NBEAL1: variants seen among roughly 807,000 people sequenced by gnomAD.
NBEAL1 encodes the protein neurobeachin like 1, also known as neurobeachin-like protein 1.
In NBEAL1, 273 loss-of-function variants were observed where a neutral mutation model predicts 351.3. The observed-to-expected ratio is 0.78, with a 90% confidence interval of 0.70 to 0.86. NBEAL1 has a LOEUF of 0.86. NBEAL1 is among the 40% of genes least tolerant of loss of function. NBEAL1 has a pLI of 0.00. For missense variants in NBEAL1, 2,961 were observed against 3,201.3 expected (o/e 0.92, Z 1.81); for synonymous variants, 1,050 against 1,086.4 (o/e 0.97, Z 0.66).
chr2:203,034,401 C>T (rs569143408), intron 2 of NBEAL1, among the ~76,000 whole-genome samples: 1 of 148,144 alleles, frequency 6.8e-6, no homozygotes, highest in East Asian at 1.9e-4. Flanking sequence ...TTGCGATCCG[C>T]CCACCTTGGC....
At chr2:203,037,042 A>T (rs2061050733) in intron 2 of NBEAL1, among the ~76,000 whole-genome samples, 1 of 149,198 alleles carries the variant, frequency 6.7e-6, no homozygotes, top group South Asian at 2.1e-4. Flanking sequence ...AACTTGAGAA[A>T]ATTCTCACAA....
chr2:203,050,822 A>G (rs1175611091), intron 4 of NBEAL1, among the ~76,000 whole-genome samples: 3 of 152,224 alleles, frequency 2.0e-5, no homozygotes, highest in Non-Finnish European at 2.9e-5. Context: ...TAAGAATTCA[A>G]GAACCATTAG....
At chr2:203,172,241 G>A (rs938437179) in intron 40 of NBEAL1, among the ~76,000 whole-genome samples, 1 of 152,050 alleles carries the variant, frequency 6.6e-6, no homozygotes, top group Non-Finnish European at 1.5e-5. Context: ...ATCCAGTGGG[G>A]CAGGTGCGGT....
At chr2:203,107,330 G>A in intron 12 of NBEAL1, 90 bp from the exon 13 acceptor site, 1 of 612,138 alleles carries the variant, frequency 1.6e-6, no homozygotes, top group Non-Finnish European at 2.8e-6. Flanking sequence ...AAGTTAATTA[G>A]CATAAATGAG....
At chr2:203,165,159 C>G (rs761703287) in intron 36 of NBEAL1, among the ~76,000 whole-genome samples, 97 of 152,288 alleles carry the variant, frequency 6.4e-4, no homozygotes, top group Middle Eastern at 3.4e-3. Flanking sequence ...CCGCGCCCAC[C>G]CAGGAGCTCC....
At chr2:203,170,296 G>A (rs976208857) in intron 39 of NBEAL1, among the ~76,000 whole-genome samples, 7 of 151,986 alleles carry the variant, frequency 4.6e-5, no homozygotes, top group Non-Finnish European at 8.8e-5. Flanking sequence ...CGCTTGAACC[G>A]GGGAGGCGGA....
chr2:203,052,457 T>C (rs2061339256), intron 4 of NBEAL1: 1 of 152,428 alleles, frequency 6.6e-6, no homozygotes, highest in Admixed American at 6.5e-5. Context: ...AGTTTTGCTT[T>C]CACCAGGGTG....
chr2:203,205,878 GA>G (rs1416927207), intron 51 of NBEAL1, among the ~76,000 whole-genome samples: 1 of 152,226 alleles, frequency 6.6e-6, no homozygotes, highest in Non-Finnish European at 1.5e-5. Context: ...TACTCACAGG[GA>G]AAGACAAATT....
chr2:203,081,181 A>C (rs988058457), intron 8 of NBEAL1, among the ~76,000 whole-genome samples: 1 of 152,242 alleles, frequency 6.6e-6, no homozygotes, highest in Non-Finnish European at 1.5e-5. Context: ...TAAAAGCTAA[A>C]GAATGGTCAT....
chr2:203,209,180 A>T lies in NBEAL1; in HGVS notation c.7643A>T (p.His2548Leu). Reference sequence around the variant, plus strand: ...GTGTAGGATGGAACGGTGATTATACATACCATTCAGAAAGGTCAGTACATG... The same window carrying T: ...GTGTAGGATGGAACGGTGATTATACTTACCATTCAGAAAGGTCAGTACATG... ...SGSRDGTVII[H>L]TIQKGQYMRT... The change falls in exon 53 of 56, where the codon CAT (histidine) becomes CTT (leucine). Residue 2548 changes from histidine to leucine, a missense_variant. By Grantham distance (99) the His-to-Leu change is moderately conservative. Coordinates refer to ENST00000683969, the MANE Select transcript of NBEAL1 (RefSeq NM_001378026.1). 1 of 1,612,544 alleles carries T rather than the reference A, an allele frequency of 6.2e-7. No homozygotes were observed. The highest frequency in any genetic ancestry group is 8.5e-7 in the Non-Finnish European group (1 of 1,178,590).
intron 25 of NBEAL1, 42 bp from the exon 26 acceptor site, chr2:203,131,931 C>A: frequency 2.2e-6 from 3 of 1,360,944 alleles, no homozygotes; most frequent in Non-Finnish European, 2.9e-6. Flanking sequence ...ACAAACTATT[C>A]TTAATTTTCT....
At chr2:203,112,935 A>G (rs930269600) in intron 16 of NBEAL1, 80 bp from the exon 17 acceptor site, 14 of 1,210,742 alleles carry the variant, frequency 1.2e-5, no homozygotes, top group Non-Finnish European at 1.5e-5. Flanking sequence ...AATTTTATGT[A>G]CTATTTTATT....
chr2:203,075,768 G>T (rs1004767569), intron 7 of NBEAL1, among the ~76,000 whole-genome samples: 2 of 152,218 alleles, frequency 1.3e-5, no homozygotes, highest in East Asian at 3.8e-4. Context: ...ACAGGAATCT[G>T]TGGTGTGATC....
At chr2:203,123,136 G>GAAAAAAAA (rs60819391) in intron 19 of NBEAL1, among the ~76,000 whole-genome samples, 1 of 145,170 alleles carries the variant, frequency 6.9e-6, no homozygotes, top group Non-Finnish European at 1.5e-5. Flanking sequence ...GGTAAATCAG[G>GAAAAAAAA]AAAAAAAAAA....
intron 42 of NBEAL1, among the ~76,000 whole-genome samples, chr2:203,178,238 C>G (rs1164507098): frequency 3.3e-5 from 5 of 150,284 alleles, no homozygotes; most frequent in Admixed American, 2.0e-4. Flanking sequence ...AGTTTCCGCT[C>G]ACTGCAACCT....
intron 10 of NBEAL1, among the ~76,000 whole-genome samples, chr2:203,090,453 A>G (rs1302805545): frequency 6.6e-6 from 1 of 152,220 alleles, no homozygotes; most frequent in African/African-American, 2.4e-5. Flanking sequence ...CAGTAGAAGT[A>G]GCATTTTTTT....
Position 203,175,157 on chromosome 2 carries a change from T to G in NBEAL1, c.6334T>G (p.Phe2112Val), listed in dbSNP as rs2064459856. 3.1e-6 allele frequency: 5 copies of G among 1,610,070 alleles called. No individual in the cohort carries two copies. Among genetic ancestry groups the G allele is most frequent in the Non-Finnish European group, 4.2e-6 (5 of 1,178,364 alleles). ...ATTTTTTCCCCACAGATATGAAAAT[T>G]TTGAGGATCCTATGGGAACTATTGA... is the stretch of plus-strand genomic sequence containing the variant. Reference protein sequence around the residue: ...AKAMREKYENFEDPMGTIDKF... With the variant: ...AKAMREKYENVEDPMGTIDKF... Residue 2112 changes from phenylalanine to valine, a missense_variant, in exon 42 of 56, where the codon TTT (phenylalanine) becomes GTT (valine). Phe to Val is a conservative substitution (Grantham distance 50). Coordinates refer to ENST00000683969, the MANE Select transcript of NBEAL1 (RefSeq NM_001378026.1).
chr2:203,110,239 C>T lies in NBEAL1; in HGVS notation c.2039C>T (p.Ala680Val). 6.4e-7 allele frequency: 1 copy of T among 1,552,916 alleles called. No homozygotes were observed. The highest frequency in any genetic ancestry group is 1.2e-5 in the South Asian group (1 of 84,122). ...VVAVCTKREY[A>V]TVMLPDHSFC... is the part of the protein sequence containing the mutation. The stretch of plus-strand genomic sequence containing the variant: ...GCAGTGTGCACAAAAAGAGAATATG[C>T]AACGGTTATGCTTCCTGACCACAGT... The change falls in exon 15 of 56, where the codon GCA becomes GTA. Residue 680 changes from alanine to valine, a missense_variant. Coordinates refer to ENST00000683969, the MANE Select transcript of NBEAL1 (RefSeq NM_001378026.1).
intron 51 of NBEAL1, among the ~76,000 whole-genome samples, chr2:203,207,070 C>A (rs939148870): frequency 2.0e-5 from 3 of 151,690 alleles, no homozygotes; most frequent in African/African-American, 7.2e-5. Flanking sequence ...TCTGCCCTGT[C>A]GCCCCGTCCG....
Sources: gnomAD v4.1 joint callset for allele counts (sites outside exome capture counted in the v4.1 genomes callset) on GRCh38, gnomAD v4.1.1 for gene constraint, MANE v1.5 for transcripts, NCBI Gene and HGNC (gene_info 2026-07-23, HGNC 2026-07-21) for gene names.